Variants in ANGPT1 observed in about 807,000 individuals in gnomAD.
The protein encoded by ANGPT1 is angiopoietin-1.
A neutral mutation model predicts 62.2 loss-of-function variants in ANGPT1; 17 were observed. That is an observed-to-expected ratio of 0.27 (90% confidence interval 0.19 to 0.41). The LOEUF is 0.41. ANGPT1 is among the 10% of genes least tolerant of loss of function. The pLI is 1.00. For synonymous variants in ANGPT1, 199 were observed against 198.9 expected (o/e 1.00, Z 0.00); for missense variants, 478 against 594.9 (o/e 0.80, Z 2.04).
intron 1 of ANGPT1, among the ~76,000 whole-genome samples, chr8:107,493,368 A>G (rs1813014660): frequency 6.6e-6 from 1 of 150,422 alleles, no homozygotes; most frequent in South Asian, 2.2e-4. Flanking sequence ...GTGTGGGTAG[A>G]TTTCCTGGAG....
At chr8:107,304,738 A>G (rs1027679856) in intron 4 of ANGPT1, among the ~76,000 whole-genome samples, 1 of 151,898 alleles carries the variant, frequency 6.6e-6, no homozygotes, top group Admixed American at 6.6e-5. Context: ...TTTATGTCAG[A>G]TATGTTGCCA....
At chr8:107,289,692 C>T (rs2130161298) in intron 6 of ANGPT1, among the ~76,000 whole-genome samples, 1 of 152,100 alleles carries the variant, frequency 6.6e-6, no homozygotes, top group African/African-American at 2.4e-5. Context: ...AACTTCTTTC[C>T]AGAAACAAAG....
intron 1 of ANGPT1, among the ~76,000 whole-genome samples, chr8:107,408,504 A>C (rs188370293): frequency 1.6e-5 from 1 of 61,012 alleles, no homozygotes; most frequent in Non-Finnish European, 3.1e-5. Context: ...AGAAAAACAA[A>C]GTAGGAGATA....
intron 1 of ANGPT1, among the ~76,000 whole-genome samples, chr8:107,449,784 T>A (rs1190551940): frequency 6.6e-6 from 1 of 152,116 alleles, no homozygotes; most frequent in Non-Finnish European, 1.5e-5. Context: ...TCATTCTTTA[T>A]ACGTATTAAC....
intron 1 of ANGPT1, among the ~76,000 whole-genome samples, chr8:107,355,221 C>T (rs1261404133): frequency 6.6e-6 from 1 of 152,042 alleles, no homozygotes; most frequent in Non-Finnish European, 1.5e-5. Flanking sequence ...CTCTTGAAGG[C>T]TGCCTAGGTC....
At chr8:107,487,374 C>T (rs76185183) in intron 1 of ANGPT1, among the ~76,000 whole-genome samples, 7,994 of 152,080 alleles carry the variant, frequency 0.053, 243 homozygotes, top group South Asian at 0.11. Context: ...AAGTCTCTAA[C>T]GTGCAGAATG....
At chr8:107,388,432 A>AAAAT (rs145224266) in intron 1 of ANGPT1, among the ~76,000 whole-genome samples, 11 of 151,012 alleles carry the variant, frequency 7.3e-5, no homozygotes, top group East Asian at 1.9e-4. Context: ...TTTTTTAATA[A>AAAAT]AAATAAATAA....
chr8:107,416,330 A>T (rs560871861), intron 1 of ANGPT1, among the ~76,000 whole-genome samples: 36 of 152,318 alleles, frequency 2.4e-4, no homozygotes, highest in African/African-American at 8.4e-4. Context: ...TCAGGGAACC[A>T]TCTACTTATA....
At chr8:107,411,933 C>T (rs1810593901) in intron 1 of ANGPT1, among the ~76,000 whole-genome samples, 1 of 152,284 alleles carries the variant, frequency 6.6e-6, no homozygotes, top group African/African-American at 2.4e-5. Context: ...GAGCTACATG[C>T]TTTCTCCTTC....
chr8:107,321,695 A>T (rs1023614018), intron 4 of ANGPT1, among the ~76,000 whole-genome samples: 4 of 152,216 alleles, frequency 2.6e-5, no homozygotes, highest in Admixed American at 2.6e-4. Flanking sequence ...TTGTGGATTC[A>T]CAAATTTAGG....
At position 107,386,416 on chromosome 8, in the gene ANGPT1, A is replaced by C. The variant is rs534655990; in HGVS notation, c.298-39319T>G. Among the ~76,000 whole-genome samples, 16 of 152,244 alleles carry C rather than the reference A, an allele frequency of 1.1e-4. No individual in the cohort carries two copies. The East Asian group carries it at 2.9e-3, about 28-fold the overall frequency. On this transcript the variant is annotated intron_variant, in intron 1 of 8. Coordinates refer to ENST00000517746, the MANE Select transcript of ANGPT1 (RefSeq NM_001146.5). ...AAATAAAATTGGAAAGAAAAAACAC[A>C]TTTATTTACAAGTACACAGCAAGAG... is the stretch of plus-strand genomic sequence containing the variant.
chr8:107,365,322 C>T (rs917182645), intron 1 of ANGPT1, among the ~76,000 whole-genome samples: 4 of 152,246 alleles, frequency 2.6e-5, no homozygotes, highest in Non-Finnish European at 5.9e-5. Context: ...ATGGTGCTCT[C>T]CCCCATGAGA....
At chr8:107,355,918 A>T (rs564636841) in intron 1 of ANGPT1, among the ~76,000 whole-genome samples, 1 of 152,156 alleles carries the variant, frequency 6.6e-6, no homozygotes, top group Non-Finnish European at 1.5e-5. Context: ...CACAAGCACT[A>T]CCTGGTTCAA....
chr8:107,403,803 C>T (rs1021220902), intron 1 of ANGPT1, among the ~76,000 whole-genome samples: 2 of 151,884 alleles, frequency 1.3e-5, no homozygotes, highest in Non-Finnish European at 2.9e-5. Context: ...ATCAATGTTC[C>T]TTGGCTCTGC....
At chr8:107,280,320 C>T (rs74881058) in intron 7 of ANGPT1, among the ~76,000 whole-genome samples, 24,707 of 151,912 alleles carry the variant, frequency 0.16, 2,161 homozygotes, top group Non-Finnish European at 0.19. Context: ...CTTGTCTCAG[C>T]GTCCCGAGCA....
chr8:107,269,639 A>G (rs571204104), intron 7 of ANGPT1, among the ~76,000 whole-genome samples: 3 of 152,174 alleles, frequency 2.0e-5, no homozygotes, highest in South Asian at 2.1e-4. Flanking sequence ...ATGAAAGACG[A>G]TATGTTAGAA....
intron 6 of ANGPT1, among the ~76,000 whole-genome samples, chr8:107,291,570 C>T (rs11780317): frequency 0.014 from 2,096 of 152,046 alleles, 37 homozygotes; most frequent in South Asian, 0.028. Context: ...TGCCACCACA[C>T]CCGGCTAATT....
chr8:107,401,563 T>A (rs1283692), intron 1 of ANGPT1, among the ~76,000 whole-genome samples: 125,463 of 152,188 alleles, frequency 0.82, 51,859 homozygotes, highest in East Asian at 0.91. Flanking sequence ...CCTCAAAAGG[T>A]TAATGCATAA....
chr8:107,492,366 C>T (rs775177294), intron 1 of ANGPT1, among the ~76,000 whole-genome samples: 2 of 152,036 alleles, frequency 1.3e-5, no homozygotes, highest in Admixed American at 6.5e-5. Context: ...GATGGAGTCC[C>T]GCTCTGTCAT....
Sources: allele counts gnomAD v4.1 joint callset (sites outside exome capture counted in the v4.1 genomes callset), GRCh38; gene constraint gnomAD v4.1.1; transcripts MANE v1.5; gene names NCBI Gene and HGNC (gene_info 2026-07-23, HGNC 2026-07-21).